HORMAD2: variants seen among roughly 807,000 people sequenced by gnomAD.
The protein encoded by HORMAD2 is HORMA domain containing 2.
In HORMAD2, 45 loss-of-function variants were observed where a neutral mutation model predicts 38.8. The observed-to-expected ratio is 1.16, with a 90% confidence interval of 0.91 to 1.49. HORMAD2 has a LOEUF of 1.49. Among genes scored for constraint, HORMAD2 ranks in the 40% most tolerant of loss-of-function variants. The probability of loss-of-function intolerance (pLI) is 0.00; values close to 1 mark genes in which losing one functional copy is unlikely to be tolerated. For synonymous variants in HORMAD2, 126 were observed against 122.8 expected, an observed-to-expected ratio of 1.03 and a Z score of -0.17; for missense variants, 338 against 367.0, an observed-to-expected ratio of 0.92 and a Z score of 0.65.
downstream of HORMAD2, among the ~76,000 whole-genome samples, chr22:30,179,218 G>A (rs914884623): frequency 7.2e-5 from 11 of 152,100 alleles, no homozygotes; most frequent in African/African-American, 2.7e-4. Context: ...TCATCATTTA[G>A]AAAGAGGTCC....
intron 10 of HORMAD2, among the ~76,000 whole-genome samples, chr22:30,140,891 A>G (rs920421503): frequency 6.6e-6 from 1 of 152,176 alleles, no homozygotes; most frequent in Non-Finnish European, 1.5e-5. Flanking sequence ...CTTTCTTAAT[A>G]TAGGCATTTA....
chr22:30,093,013 T>C (rs2068719146), intron 1 of HORMAD2, among the ~76,000 whole-genome samples: 1 of 152,206 alleles, frequency 6.6e-6, no homozygotes, highest in Admixed American at 6.5e-5. Flanking sequence ...TTTTTTTCCG[T>C]TTCTATGAAG....
chr22:30,087,829 A>G (rs1340998783), intron 1 of HORMAD2, among the ~76,000 whole-genome samples: 1 of 152,174 alleles, frequency 6.6e-6, no homozygotes, highest in Non-Finnish European at 1.5e-5. Context: ...ACCATTCATG[A>G]GAAACTGCCC....
Position 30,088,616 on chromosome 22 carries a change from TTAAG to T in HORMAD2, c.-37-5294_-37-5291del, listed in dbSNP as rs541872934. ...TAATTTAGAAAACTATTTAGTTTTA[TTAAG>T]TAAGTTTTAATAAGTAAGTTTTATT... is the stretch of plus-strand genomic sequence containing the variant. On this transcript the variant is annotated intron_variant, in intron 1 of 10. Coordinates refer to ENST00000336726, the MANE Select transcript of HORMAD2 (RefSeq NM_152510.4). Among the ~76,000 whole-genome samples the T allele has an allele frequency of 1.0e-2, 1,516 of 151,682 alleles. 15 individuals carry two copies. The highest frequency in any genetic ancestry group is 0.017 in the African/African-American group (724 of 41,518).
intron 1 of HORMAD2, among the ~76,000 whole-genome samples, chr22:30,093,577 T>C (rs1417271484): frequency 6.6e-6 from 1 of 152,150 alleles, no homozygotes; most frequent in East Asian, 1.9e-4. Flanking sequence ...GATAAAAATG[T>C]TTATTAAACT....
At chr22:30,192,879 A>G in the HORMAD2 span, among the ~76,000 whole-genome samples, 2 of 152,194 alleles carry the variant, frequency 1.3e-5, no homozygotes, top group Admixed American at 1.3e-4. Context: ...TGGTTTCCGT[A>G]CTATAACAGG....
chr22:30,137,557 GAAAT>G (rs1480559919), intron 10 of HORMAD2: 1 of 153,124 alleles, frequency 6.5e-6, no homozygotes. Context: ...GAGACAGAGA[GAAAT>G]AAAAAATGAA....
At chr22:30,158,534 TTTCC>T (rs1479653428) in intron 10 of HORMAD2, among the ~76,000 whole-genome samples, 4 of 144,892 alleles carry the variant, frequency 2.8e-5, no homozygotes, top group Non-Finnish European at 6.0e-5. Flanking sequence ...TCCTTTTCCT[TTTCC>T]TTCCTTCCTT....
At position 30,146,335 on chromosome 22, in the gene HORMAD2, GA is replaced by G. The variant is rs928836636; in HGVS notation, c.819+24131del. On this transcript the variant is annotated intron_variant, in intron 10 of 10. Transcript: ENST00000336726. ...GTGAAACCCCATCTCTGCTAAAATA[GA>G]AAAAAAAAATTAGCCATGCCTGGGG... 1.1e-4 allele frequency among the ~76,000 whole-genome samples: 16 copies of G among 148,768 alleles called. No individual in the cohort carries two copies. In the East Asian group the frequency reaches 2.2e-3, roughly 20 times the overall value.
chr22:30,178,215 C>T (rs1926564056), downstream of HORMAD2, among the ~76,000 whole-genome samples: 1 of 152,244 alleles, frequency 6.6e-6, no homozygotes, highest in South Asian at 2.1e-4. Flanking sequence ...TTGTGATAGT[C>T]ATAAACTTAG....
At chr22:30,155,809 C>T (rs1408714101) in intron 10 of HORMAD2, among the ~76,000 whole-genome samples, 1 of 152,218 alleles carries the variant, frequency 6.6e-6, no homozygotes, top group Admixed American at 6.5e-5. Flanking sequence ...AGAGAACTGG[C>T]TGCCATTATC....
intron 10 of HORMAD2, among the ~76,000 whole-genome samples, chr22:30,150,922 T>C (rs991567233): frequency 6.6e-6 from 1 of 152,172 alleles, no homozygotes; most frequent in Non-Finnish European, 1.5e-5. Context: ...TATCCTAGGG[T>C]GGAAGAGGAA....
At chr22:30,184,511 C>T in the HORMAD2 span, 2 of 152,042 alleles carry the variant, frequency 1.3e-5, no homozygotes, top group South Asian at 2.1e-4. Flanking sequence ...AAGTTTGCCA[C>T]TTATTAACAT....
intron 7 of HORMAD2, among the ~76,000 whole-genome samples, chr22:30,114,280 C>G (rs994511995): frequency 6.6e-6 from 1 of 152,124 alleles, no homozygotes; most frequent in African/African-American, 2.4e-5. Context: ...CTAACCTCTA[C>G]GTGTTCATGG....
intron 4 of HORMAD2, 93 bp downstream of exon 4, chr22:30,103,593 A>T (rs1267488301): frequency 1.2e-5 from 7 of 590,512 alleles, no homozygotes; most frequent in Admixed American, 6.7e-5. Flanking sequence ...ATCATTTTTT[A>T]AAAAACCATT....
chr22:30,157,531 T>TA (rs966228693), intron 10 of HORMAD2, among the ~76,000 whole-genome samples: 3 of 151,254 alleles, frequency 2.0e-5, no homozygotes, highest in African/African-American at 4.9e-5. Context: ...CACTATACCA[T>TA]AAAAAAAGTC....
chr22:30,201,508 G>A, the HORMAD2 span, among the ~76,000 whole-genome samples: 15 of 138,764 alleles, frequency 1.1e-4, no homozygotes, highest in African/African-American at 2.4e-4. Context: ...GCTCCGCCCC[G>A]CGGGGTTCAC....
chr22:30,113,173 C>T (rs748626338), intron 7 of HORMAD2, among the ~76,000 whole-genome samples: 36 of 152,062 alleles, frequency 2.4e-4, no homozygotes, highest in Non-Finnish European at 4.4e-4. Flanking sequence ...AGCAGAACCC[C>T]ACAATTTAAC....
At chr22:30,113,247 TTTC>T (rs1188428111) in intron 7 of HORMAD2, among the ~76,000 whole-genome samples, 2 of 152,030 alleles carry the variant, frequency 1.3e-5, no homozygotes, top group African/African-American at 4.8e-5. Context: ...CTTCTTTTTT[TTTC>T]TTTTTTCTTT....
Sources: allele counts gnomAD v4.1 joint callset (sites outside exome capture counted in the v4.1 genomes callset), GRCh38; gene constraint gnomAD v4.1.1; transcripts MANE v1.5; gene names NCBI Gene and HGNC (gene_info 2026-07-23, HGNC 2026-07-21).